TRPM8: variants seen among roughly 807,000 people sequenced by gnomAD.
TRPM8 encodes TRPM8 cationic channel.
Under a neutral mutation model 133.7 loss-of-function variants are expected in TRPM8, and 110 were observed. The observed-to-expected ratio is 0.82, with a 90% confidence interval of 0.70 to 0.96. TRPM8 has a LOEUF of 0.96. TRPM8 is among the 40% of genes least tolerant of loss of function. TRPM8 has a pLI of 0.00. For missense variants in TRPM8, 1,291 were observed against 1,379.5 expected (o/e 0.94, Z 1.02); for synonymous variants, 535 against 532.3 (o/e 1.01, Z -0.07).
chr2:233,973,617 G>C (rs1691789883), intron 17 of TRPM8, among the ~76,000 whole-genome samples: 1 of 152,204 alleles, frequency 6.6e-6, no homozygotes, highest in Non-Finnish European at 1.5e-5. Flanking sequence ...CACATGCCAA[G>C]GTACTGGGGG....
At chr2:233,946,055 T>A in intron 7 of TRPM8, 25 bp downstream of exon 7, 1 of 1,604,976 alleles carries the variant, frequency 6.2e-7, no homozygotes, top group South Asian at 1.1e-5. Context: ...GGTAGGACAC[T>A]AGAAGTGTAC....
chr2:234,012,007 T>G (rs898702864), intron 24 of TRPM8, among the ~76,000 whole-genome samples: 1 of 152,070 alleles, frequency 6.6e-6, no homozygotes, highest in African/African-American at 2.4e-5. Context: ...TTGTAAGAAT[T>G]TTATTCTTTT....
intron 6 of TRPM8, among the ~76,000 whole-genome samples, chr2:233,945,238 C>G (rs982447773): frequency 6.6e-6 from 1 of 152,190 alleles, no homozygotes; most frequent in Non-Finnish European, 1.5e-5. Flanking sequence ...AGTGAGGAAC[C>G]TTTTTGGTAA....
chr2:234,014,996 T>C (rs1692924613), intron 25 of TRPM8, among the ~76,000 whole-genome samples: 1 of 152,236 alleles, frequency 6.6e-6, no homozygotes, highest in African/African-American at 2.4e-5. Flanking sequence ...AGTTCTGTTA[T>C]TTTTTGATCT....
chr2:233,957,610 A>G (rs971051297), intron 11 of TRPM8, among the ~76,000 whole-genome samples: 3 of 152,250 alleles, frequency 2.0e-5, no homozygotes, highest in African/African-American at 7.2e-5. Context: ...AAGGTAATCA[A>G]TAATCAAAAG....
intron 1 of TRPM8, among the ~76,000 whole-genome samples, chr2:233,919,878 C>T (rs939389985): frequency 3.9e-5 from 6 of 152,094 alleles, no homozygotes; most frequent in African/African-American, 1.2e-4. Context: ...ATGATATTGC[C>T]GCTTGAACAT....
intron 6 of TRPM8, among the ~76,000 whole-genome samples, chr2:233,944,307 T>C (rs1463932128): frequency 6.6e-6 from 1 of 152,222 alleles, no homozygotes; most frequent in Non-Finnish European, 1.5e-5. Context: ...AATACCATTA[T>C]CTATTAGCAA....
chr2:233,982,018 C>A, intron 19 of TRPM8, 103 bp downstream of exon 19: 1 of 1,250,598 alleles, frequency 8.0e-7, no homozygotes, highest in Non-Finnish European at 1.1e-6. Context: ...TGTTGCATTT[C>A]ACCATCAGTA....
chr2:233,920,351 T>C (rs1183671841), intron 1 of TRPM8, among the ~76,000 whole-genome samples: 1 of 152,216 alleles, frequency 6.6e-6, no homozygotes, highest in Non-Finnish European at 1.5e-5. Flanking sequence ...ATCAGGCCCA[T>C]TTGAAATTTT....
chr2:233,999,039 T>C (rs1402805277), intron 22 of TRPM8, among the ~76,000 whole-genome samples: 2 of 152,258 alleles, frequency 1.3e-5, no homozygotes, highest in East Asian at 3.9e-4. Context: ...AGGAGGGTCA[T>C]TTTACGTCTC....
chr2:233,996,831 T>C (rs912787389), intron 22 of TRPM8, among the ~76,000 whole-genome samples: 1 of 152,218 alleles, frequency 6.6e-6, no homozygotes, highest in African/African-American at 2.4e-5. Context: ...CATGACTTTG[T>C]TTTTGCTTTT....
intron 22 of TRPM8, among the ~76,000 whole-genome samples, chr2:234,000,205 G>T (rs1490086768): frequency 6.6e-6 from 1 of 150,964 alleles, no homozygotes; most frequent in African/African-American, 2.5e-5. Context: ...CCGCCTCCTG[G>T]GTTCAAGTGA....
intron 22 of TRPM8, among the ~76,000 whole-genome samples, chr2:234,002,276 C>T (rs1692585183): frequency 6.6e-6 from 1 of 151,894 alleles, no homozygotes; most frequent in Non-Finnish European, 1.5e-5. Context: ...GAGAGAAGAC[C>T]TCAGGACTGA....
At chr2:234,014,935 C>G (rs902668454) in intron 25 of TRPM8, among the ~76,000 whole-genome samples, 3 of 152,182 alleles carry the variant, frequency 2.0e-5, no homozygotes, top group African/African-American at 4.8e-5. Context: ...AAAACACTTG[C>G]AACCTATGCA....
intron 4 of TRPM8, among the ~76,000 whole-genome samples, chr2:233,937,898 C>T (rs1690797030): frequency 6.6e-6 from 1 of 152,208 alleles, no homozygotes; most frequent in Non-Finnish European, 1.5e-5. Flanking sequence ...ACTGTGCAAG[C>T]TCTCCAGCAA....
intron 24 of TRPM8, 40 bp from the exon 25 acceptor site, chr2:234,014,522 A>G: frequency 7.2e-7 from 1 of 1,382,670 alleles, no homozygotes; most frequent in Non-Finnish European, 9.8e-7. Flanking sequence ...AAGTTGGAAA[A>G]TTTATCTTAA....
chr2:233,995,502 C>A (rs990991876), intron 21 of TRPM8, among the ~76,000 whole-genome samples: 2 of 152,154 alleles, frequency 1.3e-5, no homozygotes, highest in African/African-American at 4.8e-5. Context: ...AAGGTGACTG[C>A]CATTTGTGGT....
intron 1 of TRPM8, among the ~76,000 whole-genome samples, chr2:233,926,062 G>T (rs951510648): frequency 6.6e-6 from 1 of 152,162 alleles, no homozygotes; most frequent in Non-Finnish European, 1.5e-5. Flanking sequence ...AGGGGCAGGG[G>T]TCTTCTTTTC....
In TRPM8 at chr2:233,955,161, A is replaced by G; in HGVS notation, c.1273A>G (p.Asn425Asp). 1 of 1,614,134 alleles carries G rather than the reference A, an allele frequency of 6.2e-7. No homozygotes were observed. Among genetic ancestry groups the G allele is most frequent in the East Asian group, 2.2e-5 (1 of 44,886 alleles). The change falls in exon 11 of 26, where the codon AAC becomes GAC. Residue 425 changes from asparagine (N) to aspartate (D), a missense_variant. Asn to Asp is a conservative substitution (Grantham distance 23). Around this residue, in one of 2 missense-constraint regions of TRPM8, gnomAD observed 963 missense variants for 968.9 expected, o/e 0.99. Coordinates refer to ENST00000324695, the MANE Select transcript of TRPM8 (RefSeq NM_024080.5). ...CAGCACCAGTGAGCAAGACAAGGAT[A>G]ACTGGAATGGGCAGCTGAAGCTTCT... ...AFSTSEQDKD[N>D]WNGQLKLLLE...
Sources: gnomAD v4.1 joint callset for allele counts (sites outside exome capture counted in the v4.1 genomes callset) on GRCh38, gnomAD v4.1.1 for gene constraint, gnomAD v4.1.1 regional missense constraint, MANE v1.5 for transcripts, NCBI Gene and HGNC (gene_info 2026-07-23, HGNC 2026-07-21) for gene names.